Variants in PARVA observed in about 807,000 individuals in gnomAD.
PARVA encodes parvin alpha, also known as alpha-parvin.
Under a neutral mutation model 52.6 loss-of-function variants are expected in PARVA, and 25 were observed. The ratio of observed to expected loss-of-function variants is 0.48; its 90% CI spans 0.35 to 0.66. PARVA has a LOEUF of 0.66. Among genes scored for constraint, PARVA ranks in the 30% least tolerant of loss-of-function variants. PARVA has a pLI of 0.01. For missense variants in PARVA, 373 were observed against 450.9 expected, an observed-to-expected ratio of 0.83 and a Z score of 1.56; for synonymous variants, 185 against 179.1, an observed-to-expected ratio of 1.03 and a Z score of -0.26.
At chr11:12,463,801 T>C (rs1940816962) in intron 1 of PARVA, among the ~76,000 whole-genome samples, 1 of 152,206 alleles carries the variant, frequency 6.6e-6, no homozygotes, top group Non-Finnish European at 1.5e-5. Flanking sequence ...TTCAATTATT[T>C]ATATCACTAT....
intron 12 of PARVA, among the ~76,000 whole-genome samples, chr11:12,524,430 T>C (rs1465996942): frequency 1.3e-5 from 2 of 152,216 alleles, no homozygotes; most frequent in Non-Finnish European, 2.9e-5. Flanking sequence ...TTGGACATTT[T>C]CTTTTTCTAG....
intron 5 of PARVA, among the ~76,000 whole-genome samples, chr11:12,499,485 T>G (rs1204566202): frequency 6.6e-6 from 1 of 152,132 alleles, no homozygotes; most frequent in Non-Finnish European, 1.5e-5. Context: ...TATTGAAAAT[T>G]TACAAAGTGC....
At chr11:12,435,777 T>C (rs1288307403) in intron 1 of PARVA, among the ~76,000 whole-genome samples, 2 of 150,800 alleles carry the variant, frequency 1.3e-5, no homozygotes, top group Non-Finnish European at 3.0e-5. Flanking sequence ...CTCCTGGCTA[T>C]ATCTCTGTTT....
chr11:12,394,702 T>G (rs1423350648), intron 1 of PARVA, among the ~76,000 whole-genome samples: 1 of 152,214 alleles, frequency 6.6e-6, no homozygotes, highest in African/African-American at 2.4e-5. Context: ...ATCATCCTCC[T>G]GTATACACAA....
chr11:12,443,747 ATT>A (rs1057001859), intron 1 of PARVA, among the ~76,000 whole-genome samples: 2 of 152,068 alleles, frequency 1.3e-5, no homozygotes, highest in Admixed American at 1.3e-4. Flanking sequence ...GTGTAGCATA[ATT>A]TTTGTTTTCC....
intron 1 of PARVA, among the ~76,000 whole-genome samples, chr11:12,426,508 G>T (rs1422541595): frequency 6.6e-6 from 1 of 151,820 alleles, no homozygotes; most frequent in Non-Finnish European, 1.5e-5. Flanking sequence ...TATTTTCAGA[G>T]ATGTTTCAAA....
chr11:12,384,969 C>T (rs1939550799), intron 1 of PARVA, among the ~76,000 whole-genome samples: 2 of 152,102 alleles, frequency 1.3e-5, no homozygotes. Context: ...ACTGATGGTG[C>T]TAAAACACCA....
intron 1 of PARVA, among the ~76,000 whole-genome samples, chr11:12,433,833 T>TC (rs1940349857): frequency 6.6e-6 from 1 of 152,210 alleles, no homozygotes; most frequent in African/African-American, 2.4e-5. Flanking sequence ...GTAACATGGT[T>TC]CATATTGTTT....
At chr11:12,452,901 G>C in intron 1 of PARVA, 1 of 422,204 alleles carries the variant, frequency 2.4e-6, no homozygotes, top group South Asian at 1.7e-5. Flanking sequence ...AGATCCTATA[G>C]CTTCACAGAC....
At chr11:12,438,550 A>C (rs984660538) in intron 1 of PARVA, among the ~76,000 whole-genome samples, 5 of 152,164 alleles carry the variant, frequency 3.3e-5, no homozygotes, top group Admixed American at 2.0e-4. Context: ...CCCACCTTTT[A>C]ATACTGTTAC....
chr11:12,469,749 A>G (rs1940907199), intron 1 of PARVA, among the ~76,000 whole-genome samples: 1 of 152,232 alleles, frequency 6.6e-6, no homozygotes, highest in Non-Finnish European at 1.5e-5. Flanking sequence ...AACATTTCCA[A>G]TTGCAAACAT....
At chr11:12,457,142 C>T (rs569694969) in intron 1 of PARVA, among the ~76,000 whole-genome samples, 10 of 152,230 alleles carry the variant, frequency 6.6e-5, no homozygotes, top group Admixed American at 3.3e-4. Flanking sequence ...TCCATTGAAT[C>T]GAATCAAATG....
intron 5 of PARVA, among the ~76,000 whole-genome samples, chr11:12,502,645 C>G (rs1941377533): frequency 1.3e-5 from 2 of 151,860 alleles, no homozygotes; most frequent in Non-Finnish European, 2.9e-5. Flanking sequence ...AGAGAGAAAA[C>G]TCCCAGGAGA....
intron 1 of PARVA, among the ~76,000 whole-genome samples, chr11:12,397,052 T>A (rs1939758313): frequency 6.6e-6 from 1 of 152,152 alleles, no homozygotes; most frequent in South Asian, 2.1e-4. Flanking sequence ...CTTTTTCACG[T>A]ACCTATTTGT....
At chr11:12,459,283 T>C (rs538842327) in intron 1 of PARVA, among the ~76,000 whole-genome samples, 160 of 152,182 alleles carry the variant, frequency 1.1e-3, no homozygotes, top group African/African-American at 3.6e-3. Flanking sequence ...AATATGCCTA[T>C]AGTCCCAGCT....
intron 1 of PARVA, among the ~76,000 whole-genome samples, chr11:12,467,591 C>T (rs1291625062): frequency 6.6e-6 from 1 of 152,146 alleles, no homozygotes; most frequent in African/African-American, 2.4e-5. Flanking sequence ...ACTTGCTGAC[C>T]AGACAATATA....
At chr11:12,466,311 G>GTTT (rs36045215) in intron 1 of PARVA, among the ~76,000 whole-genome samples, 21 of 142,970 alleles carry the variant, frequency 1.5e-4, no homozygotes, top group African/African-American at 5.4e-4. Context: ...TTATTTAGTT[G>GTTT]TTTTTTTTTT....
intron 1 of PARVA, among the ~76,000 whole-genome samples, chr11:12,411,321 A>G (rs1939989729): frequency 6.6e-6 from 1 of 152,202 alleles, no homozygotes; most frequent in Non-Finnish European, 1.5e-5. Flanking sequence ...GGGATAGTGC[A>G]GAGAGTTCCC....
intron 1 of PARVA, among the ~76,000 whole-genome samples, chr11:12,463,180 G>A (rs905913914): frequency 6.6e-6 from 1 of 151,864 alleles, no homozygotes; most frequent in African/African-American, 2.4e-5. Context: ...ATGGACAGTA[G>A]TGATATATTA....
Sources: gnomAD v4.1 joint callset for allele counts (sites outside exome capture counted in the v4.1 genomes callset) on GRCh38, gnomAD v4.1.1 for gene constraint, MANE v1.5 for transcripts, NCBI Gene and HGNC (gene_info 2026-07-23, HGNC 2026-07-21) for gene names.